Variants in ERBB4 observed in about 807,000 individuals in gnomAD.
ERBB4 encodes receptor tyrosine-protein kinase erbB-4.
A neutral mutation model predicts 158.0 loss-of-function variants in ERBB4; 42 were observed. The ratio of observed to expected loss-of-function variants is 0.27; its 90% CI spans 0.21 to 0.34. The LOEUF is 0.34. ERBB4 is among the 10% of genes least tolerant of loss of function. The pLI, the probability that ERBB4 is intolerant of heterozygous loss-of-function variation, is 1.00. For synonymous variants in ERBB4, 583 were observed against 558.7 expected (o/e 1.04, Z -0.61); for missense variants, 1,333 against 1,624.1 (o/e 0.82, Z 3.08).
At chr2:212,143,995 G>T (rs928043971) in intron 1 of ERBB4, among the ~76,000 whole-genome samples, 2 of 151,258 alleles carry the variant, frequency 1.3e-5, no homozygotes, top group African/African-American at 2.4e-5. Flanking sequence ...TTCCGGCCTG[G>T]GCGACAGAGT....
At chr2:212,110,810 G>A (rs527906039) in intron 2 of ERBB4, among the ~76,000 whole-genome samples, 4 of 152,324 alleles carry the variant, frequency 2.6e-5, no homozygotes, top group African/African-American at 9.6e-5. Flanking sequence ...TGCCCCAAAT[G>A]GCTGAAGCAC....
At chr2:212,222,134 A>G (rs2105956463) in intron 1 of ERBB4, among the ~76,000 whole-genome samples, 1 of 151,700 alleles carries the variant, frequency 6.6e-6, no homozygotes, top group Non-Finnish European at 1.5e-5. Flanking sequence ...TAGGATTATC[A>G]TATGTGTCAT....
At chr2:212,305,577 A>T (rs997016062) in intron 1 of ERBB4, among the ~76,000 whole-genome samples, 2 of 151,236 alleles carry the variant, frequency 1.3e-5, no homozygotes, top group African/African-American at 4.8e-5. Flanking sequence ...TCAAAGCAAA[A>T]AAAACCTGAC....
chr2:211,561,575 T>C (rs1302519553), intron 20 of ERBB4, among the ~76,000 whole-genome samples: 1 of 152,208 alleles, frequency 6.6e-6, no homozygotes, highest in Non-Finnish European at 1.5e-5. Context: ...CTTTCTTTCT[T>C]GGATTTTATT....
intron 19 of ERBB4, among the ~76,000 whole-genome samples, chr2:211,595,389 G>T (rs1256847848): frequency 2.0e-5 from 3 of 151,954 alleles, no homozygotes; most frequent in African/African-American, 4.8e-5. Context: ...TCACTAAGTT[G>T]ACAGAAAAGG....
chr2:212,318,099 T>C (rs549087969), intron 1 of ERBB4, among the ~76,000 whole-genome samples: 46 of 151,720 alleles, frequency 3.0e-4, no homozygotes, highest in African/African-American at 1.1e-3. Context: ...GTAAATTTAT[T>C]ATCCCTAGTT....
At chr2:212,205,136 G>A (rs1016494525) in intron 1 of ERBB4, among the ~76,000 whole-genome samples, 2 of 150,876 alleles carry the variant, frequency 1.3e-5, no homozygotes, top group African/African-American at 5.0e-5. Flanking sequence ...GACAGAGACA[G>A]ACAGACAGAC....
chr2:211,826,915 G>C (rs1255707189), intron 3 of ERBB4, among the ~76,000 whole-genome samples: 2 of 151,926 alleles, frequency 1.3e-5, no homozygotes, highest in South Asian at 4.1e-4. Context: ...TGCAGAGATG[G>C]CTTTTGTAAA....
intron 1 of ERBB4, among the ~76,000 whole-genome samples, chr2:212,129,410 C>T (rs1449069101): frequency 6.6e-6 from 1 of 150,860 alleles, no homozygotes; most frequent in Non-Finnish European, 1.5e-5. Flanking sequence ...AAAAGGTATA[C>T]AATATTATAT....
At chr2:211,587,122 G>A (rs1482756943) in intron 19 of ERBB4, among the ~76,000 whole-genome samples, 3 of 151,968 alleles carry the variant, frequency 2.0e-5, no homozygotes, top group African/African-American at 7.3e-5. Context: ...GGAGACCAAG[G>A]TGTGTGGATC....
chr2:212,493,852 AT>A (rs1319854743), intron 1 of ERBB4, among the ~76,000 whole-genome samples: 1 of 151,836 alleles, frequency 6.6e-6, no homozygotes, highest in African/African-American at 2.4e-5. Context: ...GAATAAGCCC[AT>A]TTAACTTTGG....
chr2:212,032,105 A>G (rs1176971121), intron 2 of ERBB4, among the ~76,000 whole-genome samples: 2 of 152,048 alleles, frequency 1.3e-5, no homozygotes, highest in Non-Finnish European at 2.9e-5. Flanking sequence ...AAAGTGTACA[A>G]TTTTCAAACA....
intron 20 of ERBB4, among the ~76,000 whole-genome samples, chr2:211,475,930 T>TA (rs1331387286): frequency 6.6e-6 from 1 of 152,074 alleles, no homozygotes; most frequent in Non-Finnish European, 1.5e-5. Flanking sequence ...CATAAAATGT[T>TA]AAAATAACAA....
At chr2:211,795,168 A>G (rs2076356355) in intron 3 of ERBB4, among the ~76,000 whole-genome samples, 1 of 151,866 alleles carries the variant, frequency 6.6e-6, no homozygotes, top group Non-Finnish European at 1.5e-5. Flanking sequence ...GTAGGTGGAG[A>G]GAGACAGGTG....
chr2:211,567,331 C>T (rs1044828168), intron 19 of ERBB4, among the ~76,000 whole-genome samples: 1 of 152,180 alleles, frequency 6.6e-6, no homozygotes, highest in Non-Finnish European at 1.5e-5. Context: ...AAGCACCTCA[C>T]ATTAGCCCTA....
Position 211,517,443 on chromosome 2 carries a change from A to T in ERBB4, c.2487+44460T>A, listed in dbSNP as rs13425297. 8.6e-3 allele frequency among the ~76,000 whole-genome samples: 1,310 copies of T among 152,204 alleles called. 19 individuals carry two copies. The highest frequency in any genetic ancestry group is 0.029 in the African/African-American group (1,220 of 41,554). ...ATTTTCTTATCTAAAAATAAGGGTT[A>T]TTTCTTCTAAATAGTTTCCTGTATC... On this transcript the variant is annotated intron_variant, in intron 20 of 27. Transcript: ENST00000342788.
At chr2:211,848,236 A>G (rs1287152157) in intron 3 of ERBB4, among the ~76,000 whole-genome samples, 2 of 152,136 alleles carry the variant, frequency 1.3e-5, no homozygotes, top group Admixed American at 6.6e-5. Flanking sequence ...ATTTCTGGGT[A>G]TAAAGTTTGT....
intron 20 of ERBB4, among the ~76,000 whole-genome samples, chr2:211,557,151 C>T (rs1327991569): frequency 6.6e-6 from 1 of 152,088 alleles, no homozygotes; most frequent in Non-Finnish European, 1.5e-5. Flanking sequence ...AAACCCAAAA[C>T]TATAAAAACC....
At chr2:211,946,962 T>C (rs2080716136) in intron 3 of ERBB4, among the ~76,000 whole-genome samples, 1 of 152,106 alleles carries the variant, frequency 6.6e-6, no homozygotes. Flanking sequence ...AGTGAGCTAC[T>C]GAATAAGAGA....
Sources: allele counts gnomAD v4.1 joint callset (sites outside exome capture counted in the v4.1 genomes callset), GRCh38; gene constraint gnomAD v4.1.1; transcripts MANE v1.5; gene names NCBI Gene and HGNC (gene_info 2026-07-23, HGNC 2026-07-21).